Variants in SELENOO observed in about 807,000 individuals in gnomAD.
SELENOO encodes the protein protein adenylyltransferase SelO, mitochondrial.
In SELENOO, 74 loss-of-function variants were observed where a neutral mutation model predicts 58.7. The observed-to-expected ratio is 1.26, with a 90% confidence interval of 1.04 to 1.53. The LOEUF is 1.53. Among genes scored for constraint, SELENOO ranks in the 40% most tolerant of loss-of-function variants. The pLI, the probability that SELENOO is intolerant of heterozygous loss-of-function variation, is 0.00. For missense variants in SELENOO, 1,149 were observed against 970.0 expected (o/e 1.18, Z -2.45); for synonymous variants, 543 against 453.2 (o/e 1.20, Z -2.52).
Position 50,217,139 on chromosome 22 carries a change from G to A in SELENOO, c.1845+11G>A, listed in dbSNP as rs756381516. 23 of 1,611,622 alleles carry A rather than the reference G, an allele frequency of 1.4e-5. No homozygotes were observed. The highest frequency in any genetic ancestry group is 3.3e-5 in the Admixed American group (2 of 59,966). ...GGGGACTTCTCAGAGGCAAGCACAC[G>A]CCTGTCCCTGTGGTCCCTGGGAGGG... On this transcript the variant is annotated intron_variant, in intron 8 of 8. Coordinates refer to ENST00000380903, the MANE Select transcript of SELENOO (RefSeq NM_031454.2).
At chr22:50,208,974 C>T (rs1488594784) in intron 3 of SELENOO, among the ~76,000 whole-genome samples, 4 of 145,112 alleles carry the variant, frequency 2.8e-5, no homozygotes, top group Admixed American at 6.8e-5. Context: ...CAGCTTGGGG[C>T]GGGGGTGCGG....
At chr22:50,214,437 T>A (rs2013437) in intron 5 of SELENOO, among the ~76,000 whole-genome samples, 1 of 152,128 alleles carries the variant, frequency 6.6e-6, no homozygotes, top group East Asian at 1.9e-4. Flanking sequence ...TTGGCCAACA[T>A]GGTGAAACTC....
rs752707143 is a variant in SELENOO, at chr22:50,217,014, C to CGCCTG, written c.1734_1738dup (p.Gln580ProfsTer9). 5.0e-6 allele frequency: 8 copies of CGCCTG among 1,611,648 alleles called. No individual in the cohort carries two copies. Among genetic ancestry groups the CGCCTG allele is most frequent in the Non-Finnish European group, 6.8e-6 (8 of 1,179,738 alleles). ...ACCTGGAAGGCGCTGGGGACGCTGCCGCCTGGCAGGCTGAGCACGTGCGCG... is the reference window on the plus strand; with the variant it reads ...ACCTGGAAGGCGCTGGGGACGCTGCCGCCTGGCCTGGCAGGCTGAGCACGTGCGCG... On this transcript the variant is annotated frameshift_variant, in exon 8 of 9. Coordinates refer to ENST00000380903, the MANE Select transcript of SELENOO (RefSeq NM_031454.2). LOFTEE classifies it high-confidence loss of function.
At chr22:50,212,959 G>A (rs554842211) in intron 5 of SELENOO, among the ~76,000 whole-genome samples, 1 of 152,312 alleles carries the variant, frequency 6.6e-6, no homozygotes, top group East Asian at 1.9e-4. Context: ...CCTTAGGCGT[G>A]AGTTGAGGTA....
At chr22:50,202,168 A>G (rs1189050906) in intron 1 of SELENOO, among the ~76,000 whole-genome samples, 4 of 152,180 alleles carry the variant, frequency 2.6e-5, no homozygotes, top group East Asian at 1.9e-4. Context: ...CTTTTCTACT[A>G]AACAATGTAC....
chr22:50,217,162 G>A (rs779965396), intron 8 of SELENOO, 34 bp downstream of exon 8: 3 of 1,609,422 alleles, frequency 1.9e-6, no homozygotes, highest in East Asian at 2.2e-5. Flanking sequence ...GTCCCTGGGA[G>A]GGGGGTCGGC....
Position 50,217,374 on chromosome 22 carries a change from C to T in SELENOO, c.*5C>T. The T allele has an allele frequency of 1.2e-6, 2 of 1,612,468 alleles. No individual in the cohort carries two copies. Among genetic ancestry groups the T allele is most frequent in the Non-Finnish European group, 1.7e-6 (2 of 1,179,828 alleles). On this transcript the variant is annotated 3_prime_UTR_variant, in exon 9 of 9. Coordinates refer to ENST00000380903, the MANE Select transcript of SELENOO (RefSeq NM_031454.2). ...TGCGTGACATGATCTTCGTAACGGC[C>T]TCGGCACGCTCCACACCCCTGGAGT... is the stretch of plus-strand genomic sequence containing the variant.
At chr22:50,211,099 T>TA (rs760287073) in intron 5 of SELENOO, among the ~76,000 whole-genome samples, 188 bp downstream of exon 5, 4 of 152,198 alleles carry the variant, frequency 2.6e-5, no homozygotes, top group Non-Finnish European at 5.9e-5. Flanking sequence ...AGTGGAGTCA[T>TA]ACGGTGCTTG....
At chr22:50,213,162 G>C (rs2147165203) in intron 5 of SELENOO, among the ~76,000 whole-genome samples, 1 of 152,278 alleles carries the variant, frequency 6.6e-6, no homozygotes, top group East Asian at 1.9e-4. Context: ...CCAGGCTCAA[G>C]TGGTTCTCCT....
chr22:50,206,649 G>C (rs1044462964), intron 2 of SELENOO, 129 bp downstream of exon 2: 1 of 811,656 alleles, frequency 1.2e-6, no homozygotes, highest in Non-Finnish European at 1.9e-6. Context: ...TGAAAGTCCA[G>C]CCTGTCCCTG....
chr22:50,208,494 G>T, intron 2 of SELENOO, 42 bp from the exon 3 acceptor site: 1 of 1,571,356 alleles, frequency 6.4e-7, no homozygotes, highest in East Asian at 2.3e-5. Flanking sequence ...CAAGGGGCTG[G>T]GGTCAGGTTT....
At position 50,217,542 on chromosome 22, in the gene SELENOO, GA is replaced by G. The variant is rs1434983734; in HGVS notation, c.*174del. On this transcript the variant is annotated 3_prime_UTR_variant, in exon 9 of 9. Transcript: ENST00000380903. ...GTCAGGACCTGACCCGTCTCTGTCTGAGGCCGGCTCAGCAGTGCAGCCTGGT... is the reference window on the plus strand; with the variant it reads ...GTCAGGACCTGACCCGTCTCTGTCTGGGCCGGCTCAGCAGTGCAGCCTGGT... 7 of 1,022,934 alleles carry G rather than the reference GA, an allele frequency of 6.8e-6. No homozygotes were observed. Among genetic ancestry groups the G allele is most frequent in the Non-Finnish European group, 4.2e-6 (3 of 710,476 alleles). The allele number at this position is 1,022,934 out of a possible 1,614,324, so 63.4% of individuals were successfully genotyped here. A position where few individuals can be genotyped will look rare whatever the true frequency, so the allele number is the denominator to read the frequency against.
chr22:50,210,436 G>T, intron 4 of SELENOO, 125 bp downstream of exon 4: 1 of 1,380,956 alleles, frequency 7.2e-7, no homozygotes, highest in Non-Finnish European at 9.8e-7. Flanking sequence ...GCTGGGGGCT[G>T]ATGTAGGAAG....
rs1344598877 is a variant in SELENOO, at chr22:50,201,270, C to T, written c.234C>T (p.Pro78=). The part of the protein sequence containing the change: ...EGAPSAPRPV[P]GACFTRVQPT... Reference sequence around the variant, plus strand: ...CCCCGTCCGCGCCGCGGCCCGTGCCCGGGGCCTGCTTCACCCGCGTGCAGC... The same window carrying T: ...CCCCGTCCGCGCCGCGGCCCGTGCCTGGGGCCTGCTTCACCCGCGTGCAGC... Residue 78 remains proline (P), a synonymous_variant, in exon 1 of 9, where the codon CCC becomes CCT. Transcript: ENST00000380903. 1 of 1,071,914 alleles carries T rather than the reference C, an allele frequency of 9.3e-7. No homozygotes were observed. The highest frequency in any genetic ancestry group is 1.1e-6 in the Non-Finnish European group (1 of 889,278). The allele number at this position is 1,071,914 out of a possible 1,614,324, so 66.4% of individuals were successfully genotyped here.
chr22:50,201,239 A>T lies in SELENOO; in HGVS notation c.203A>T (p.Glu68Val). The change falls in exon 1 of 9, where the codon GAG (glutamate) becomes GTG (valine). Residue 68 changes from glutamate to valine, a missense_variant. Glu to Val is a moderately radical substitution (Grantham distance 121). Transcript: ENST00000380903. ...GTGGAGGCGCCGCCGCCCGGTCCCGAGGGCGCCCCGTCCGCGCCGCGGCCC... is the reference window on the plus strand; with the variant it reads ...GTGGAGGCGCCGCCGCCCGGTCCCGTGGGCGCCCCGTCCGCGCCGCGGCCC... Reference protein sequence around the residue: ...LPVEAPPPGPEGAPSAPRPVP... With the variant: ...LPVEAPPPGPVGAPSAPRPVP... 1 of 1,118,210 alleles carries T rather than the reference A, an allele frequency of 8.9e-7. No homozygotes were observed. Among genetic ancestry groups the T allele is most frequent in the Non-Finnish European group, 1.1e-6 (1 of 917,672 alleles). 69.3% of individuals were successfully genotyped at this position (1,118,210 alleles called of 1,614,324 possible).
chr22:50,207,768 G>A (rs1247567825), intron 2 of SELENOO, among the ~76,000 whole-genome samples: 1 of 133,206 alleles, frequency 7.5e-6, no homozygotes, highest in Non-Finnish European at 1.6e-5. Context: ...GATGTCCCCT[G>A]GGGGGCAGTC....
chr22:50,214,907 GA>G (rs1198435908), intron 5 of SELENOO, among the ~76,000 whole-genome samples: 1 of 152,234 alleles, frequency 6.6e-6, no homozygotes, highest in African/African-American at 2.4e-5. Context: ...TGACAACATG[GA>G]AATCGTCTTT....
In SELENOO at chr22:50,211,853, G is replaced by A. The variant is rs567404526; in HGVS notation, c.1351+942G>A. On this transcript the variant is annotated intron_variant, in intron 5 of 8. Transcript: ENST00000380903. ...CAAGTAGCTGGGATTACAGGCACCC[G>A]CCACCACACCCGGCTAATTTTGTAT... Among the ~76,000 whole-genome samples, 354 of 152,190 alleles carry A rather than the reference G, an allele frequency of 2.3e-3. 1 individual carries two copies. Among genetic ancestry groups the A allele is most frequent in the African/African-American group, 8.1e-3 (337 of 41,512 alleles).
chr22:50,211,061 G>T (rs2064368403), intron 5 of SELENOO, 150 bp downstream of exon 5: 1 of 799,988 alleles, frequency 1.3e-6, no homozygotes, highest in Non-Finnish European at 2.0e-6. Flanking sequence ...CTGTCTTTAT[G>T]AATTTGGTGA....
Sources: allele counts gnomAD v4.1 joint callset (sites outside exome capture counted in the v4.1 genomes callset), GRCh38; gene constraint gnomAD v4.1.1; transcripts MANE v1.5; gene names NCBI Gene and HGNC (gene_info 2026-07-23, HGNC 2026-07-21).